The following SBF2 variants were observed in gnomAD, a reference collection of about 807,000 sequenced individuals.
SBF2 encodes SET binding factor 2, also known as myotubularin-related protein 13.
A neutral mutation model predicts 225.2 loss-of-function variants in SBF2; 112 were observed. The ratio of observed to expected loss-of-function variants is 0.50; its 90% CI spans 0.43 to 0.58. SBF2 has a LOEUF of 0.58. SBF2 is among the 20% of genes least tolerant of loss of function. The probability of loss-of-function intolerance (pLI) is 0.00; values close to 1 mark genes in which losing one functional copy is unlikely to be tolerated. For missense variants in SBF2, 1,996 were observed against 2,206.2 expected (o/e 0.90, Z 1.91); for synonymous variants, 763 against 773.3 (o/e 0.99, Z 0.22).
intron 1 of SBF2, among the ~76,000 whole-genome samples, chr11:10,245,802 T>A (rs1446623251): frequency 6.6e-5 from 10 of 152,192 alleles, no homozygotes; most frequent in Non-Finnish European, 2.9e-5. Flanking sequence ...TACAATGAAG[T>A]GTTATTTGGC....
At chr11:10,259,226 T>G (rs1961193869) in intron 1 of SBF2, among the ~76,000 whole-genome samples, 1 of 152,178 alleles carries the variant, frequency 6.6e-6, no homozygotes, top group Non-Finnish European at 1.5e-5. Flanking sequence ...GTTAGAATAC[T>G]TGTAATTAAG....
intron 1 of SBF2, among the ~76,000 whole-genome samples, chr11:10,275,466 T>C (rs2135547287): frequency 6.6e-6 from 1 of 152,314 alleles, no homozygotes; most frequent in South Asian, 2.1e-4. Context: ...TAAAATATTT[T>C]AAGTTATTTG....
chr11:9,934,120 G>C (rs952976324), intron 16 of SBF2, among the ~76,000 whole-genome samples: 5 of 151,608 alleles, frequency 3.3e-5, no homozygotes, highest in Non-Finnish European at 7.4e-5. Flanking sequence ...AAATGATAAA[G>C]GGGATATCAC....
upstream of SBF2, among the ~76,000 whole-genome samples, chr11:10,295,677 A>G (rs965460525): frequency 2.0e-5 from 3 of 152,154 alleles, no homozygotes; most frequent in African/African-American, 7.2e-5. Flanking sequence ...CACTTTCAGT[A>G]AAAAGTAATC....
intron 16 of SBF2, among the ~76,000 whole-genome samples, chr11:9,954,410 T>C (rs2134335595): frequency 6.6e-6 from 1 of 152,356 alleles, no homozygotes; most frequent in East Asian, 1.9e-4. Context: ...AAGTACGTTG[T>C]TGCATCAAGA....
intron 2 of SBF2, among the ~76,000 whole-genome samples, chr11:10,191,544 T>C (rs910736790): frequency 1.3e-5 from 2 of 152,208 alleles, no homozygotes; most frequent in African/African-American, 2.4e-5. Context: ...AAAGAAAATT[T>C]CTGACGTAAT....
intron 16 of SBF2, among the ~76,000 whole-genome samples, chr11:9,942,983 GAAA>G (rs1175582172): frequency 3.0e-5 from 1 of 33,400 alleles, no homozygotes; most frequent in Non-Finnish European, 8.3e-5. Flanking sequence ...GAAAGAGGAA[GAAA>G]GAAAGAAAGA....
intron 13 of SBF2, among the ~76,000 whole-genome samples, chr11:9,969,321 T>A (rs919866295): frequency 6.6e-6 from 1 of 152,222 alleles, no homozygotes; most frequent in Admixed American, 6.5e-5. Flanking sequence ...GTCTCCCTGC[T>A]TCCACCTGTA....
At chr11:10,113,463 G>A (rs2135021424) in intron 2 of SBF2, among the ~76,000 whole-genome samples, 1 of 152,044 alleles carries the variant, frequency 6.6e-6, no homozygotes, top group East Asian at 1.9e-4. Context: ...CAAATAATGA[G>A]AGCAAATATA....
At chr11:10,130,219 G>C (rs368824781) in intron 2 of SBF2, among the ~76,000 whole-genome samples, 75 of 151,918 alleles carry the variant, frequency 4.9e-4, no homozygotes, top group African/African-American at 1.7e-3. Flanking sequence ...ACAATTAGCC[G>C]GGTGTGGTGG....
intron 28 of SBF2, chr11:9,828,240 A>G: frequency 7.8e-7 from 1 of 1,286,874 alleles, no homozygotes; most frequent in Non-Finnish European, 1.0e-6. Context: ...AGCCAAAAAG[A>G]AGAACAAAAA....
chr11:10,175,044 C>T (rs1956393209), intron 2 of SBF2, among the ~76,000 whole-genome samples: 1 of 152,036 alleles, frequency 6.6e-6, no homozygotes, highest in Non-Finnish European at 1.5e-5. Flanking sequence ...CCGATACCAG[C>T]CGCTGCAAAA....
At chr11:10,195,488 T>C (rs891874308) in intron 1 of SBF2, among the ~76,000 whole-genome samples, 3 of 152,244 alleles carry the variant, frequency 2.0e-5, no homozygotes, top group Non-Finnish European at 1.5e-5. Context: ...TCCTAGTTCA[T>C]ATGAAATGAA....
chr11:9,856,834 C>G, intron 18 of SBF2, 114 bp from the exon 19 acceptor site: 1 of 1,138,762 alleles, frequency 8.8e-7, no homozygotes, highest in Non-Finnish European at 1.3e-6. Flanking sequence ...GTCACCCAGG[C>G]TGGAGTGCAG....
intron 35 of SBF2, 40 bp from the exon 36 acceptor site, chr11:9,787,778 G>A (rs1200111686): frequency 1.3e-6 from 2 of 1,565,374 alleles, no homozygotes; most frequent in Non-Finnish European, 1.8e-6. Flanking sequence ...GTATTTCATA[G>A]AAATCAGGAT....
intron 16 of SBF2, among the ~76,000 whole-genome samples, chr11:9,929,660 A>G (rs1453068617): frequency 6.6e-6 from 1 of 152,138 alleles, no homozygotes; most frequent in Non-Finnish European, 1.5e-5. Context: ...CACACAACCA[A>G]TGCTTCAAAA....
intron 2 of SBF2, among the ~76,000 whole-genome samples, chr11:10,117,996 C>G (rs761150071): frequency 2.6e-5 from 4 of 152,140 alleles, no homozygotes; most frequent in Non-Finnish European, 4.4e-5. Context: ...ACGTGCAATT[C>G]TTCATGTCAC....
At chr11:10,093,366 A>C (rs1951862582) in intron 2 of SBF2, among the ~76,000 whole-genome samples, 1 of 148,530 alleles carries the variant, frequency 6.7e-6, no homozygotes, top group East Asian at 2.0e-4. Context: ...TAACAGCTTC[A>C]TCCAGTGGTC....
chr11:9,783,744 T>C (rs1166178432), intron 38 of SBF2, among the ~76,000 whole-genome samples: 2 of 152,204 alleles, frequency 1.3e-5, no homozygotes, highest in Non-Finnish European at 2.9e-5. Flanking sequence ...CCACGGTGAA[T>C]TCCAAGTTTG....
Sources: allele counts gnomAD v4.1 joint callset (sites outside exome capture counted in the v4.1 genomes callset), GRCh38; gene constraint gnomAD v4.1.1; transcripts MANE v1.5; gene names NCBI Gene and HGNC (gene_info 2026-07-23, HGNC 2026-07-21).